Variants in ZNF804A observed in about 807,000 individuals in gnomAD.
ZNF804A encodes the protein zinc finger protein 804A.
Under a neutral mutation model 16.5 loss-of-function variants are expected in ZNF804A, and 2 were observed. That is an observed-to-expected ratio of 0.12 (90% CI 0.05 to 0.38). The LOEUF is 0.38. Ranked by LOEUF, ZNF804A falls within the 10% of genes least tolerant of loss-of-function variation. The pLI is 0.99. For missense variants in ZNF804A, 1,473 were observed against 1,390.7 expected (o/e 1.06, Z -0.94); for synonymous variants, 534 against 489.6 (o/e 1.09, Z -1.20).
chr2:184,794,849 C>G (rs569001814), intron 1 of ZNF804A, among the ~76,000 whole-genome samples: 1 of 151,086 alleles, frequency 6.6e-6, no homozygotes, highest in Non-Finnish European at 1.5e-5. Flanking sequence ...GTGAGCAGGC[C>G]TTTTCTAACA....
chr2:184,645,788 G>GA lies in ZNF804A; in HGVS notation c.111+46721dup, dbSNP rs563315441. 1.8e-4 allele frequency among the ~76,000 whole-genome samples: 27 copies of GA among 152,272 alleles called. No homozygotes were observed. In the South Asian group the frequency reaches 5.6e-3, roughly 32 times the overall value. On this transcript the variant is annotated intron_variant, in intron 1 of 3. Coordinates refer to ENST00000302277, the MANE Select transcript of ZNF804A (RefSeq NM_194250.2). ...GAGCTCTAATTCAAGAAGGAAAATG[G>GA]AAATGCACCAGAATTGTGAAGGACA...
intron 1 of ZNF804A, among the ~76,000 whole-genome samples, chr2:184,713,889 G>T (rs539366554): frequency 6.6e-6 from 1 of 152,014 alleles, no homozygotes; most frequent in South Asian, 2.1e-4. Flanking sequence ...TTCATATTTG[G>T]TTTGTTGCAT....
intron 1 of ZNF804A, among the ~76,000 whole-genome samples, chr2:184,828,475 G>T (rs1695207483): frequency 6.6e-6 from 1 of 151,208 alleles, no homozygotes; most frequent in Non-Finnish European, 1.5e-5. Context: ...AATACAAAGA[G>T]CTCTTTGTTT....
At chr2:184,642,060 A>G (rs1404582393) in intron 1 of ZNF804A, among the ~76,000 whole-genome samples, 1 of 152,088 alleles carries the variant, frequency 6.6e-6, no homozygotes, top group Non-Finnish European at 1.5e-5. Flanking sequence ...GCACGTGACC[A>G]TGCACTCTTG....
At chr2:184,651,713 A>ATTCT (rs1559117878) in intron 1 of ZNF804A, among the ~76,000 whole-genome samples, 4 of 152,148 alleles carry the variant, frequency 2.6e-5, no homozygotes, top group Admixed American at 6.6e-5. Context: ...TAATCATCAG[A>ATTCT]AAAATGCAAA....
chr2:184,767,348 C>CA (rs1376541033), intron 1 of ZNF804A, among the ~76,000 whole-genome samples: 1 of 151,828 alleles, frequency 6.6e-6, no homozygotes, highest in Non-Finnish European at 1.5e-5. Context: ...AAGCCGGAAA[C>CA]AAAAAACAAA....
intron 1 of ZNF804A, among the ~76,000 whole-genome samples, chr2:184,605,525 C>G (rs913497180): frequency 6.6e-6 from 1 of 151,996 alleles, no homozygotes; most frequent in Non-Finnish European, 1.5e-5. Flanking sequence ...AGAAAAAAAG[C>G]ACATTGTATT....
chr2:184,907,247 G>T (rs1685290431), intron 2 of ZNF804A, among the ~76,000 whole-genome samples: 1 of 152,042 alleles, frequency 6.6e-6, no homozygotes, highest in Non-Finnish European at 1.5e-5. Context: ...TAGAAAACTA[G>T]CACATTCTCT....
intron 1 of ZNF804A, among the ~76,000 whole-genome samples, chr2:184,725,624 G>C (rs1693397272): frequency 1.3e-5 from 2 of 151,364 alleles, no homozygotes; most frequent in Non-Finnish European, 3.0e-5. Context: ...CATAACTGTA[G>C]TATAATATGA....
At chr2:184,845,962 T>C (rs1340094737) in intron 1 of ZNF804A, among the ~76,000 whole-genome samples, 1 of 152,138 alleles carries the variant, frequency 6.6e-6, no homozygotes, top group African/African-American at 2.4e-5. Flanking sequence ...TCTCTCTGAA[T>C]GTGATTGTTT....
At chr2:184,733,745 A>C (rs761330985) in intron 1 of ZNF804A, among the ~76,000 whole-genome samples, 2 of 152,160 alleles carry the variant, frequency 1.3e-5, no homozygotes, top group Non-Finnish European at 2.9e-5. Context: ...GAATTTTGGC[A>C]AGTTGTGGCT....
rs372220744 is a variant in ZNF804A at position 184,821,802 on chromosome 2, C to T, written c.112-44567C>T. ...AGAAGACATTTATGCGGCCAACAAA[C>T]ATGAAAAAAAGCACAACATCACTGA... On this transcript the variant is annotated intron_variant, in intron 1 of 3. Transcript: ENST00000302277. Among the ~76,000 whole-genome samples, 62 of 152,078 alleles carry T rather than the reference C, an allele frequency of 4.1e-4. No individual in the cohort carries two copies. The South Asian group carries it at 0.013, about 31-fold the overall frequency.
intron 1 of ZNF804A, among the ~76,000 whole-genome samples, chr2:184,822,707 A>G (rs1376161113): frequency 6.6e-6 from 1 of 152,084 alleles, no homozygotes; most frequent in Non-Finnish European, 1.5e-5. Context: ...GGTGAATTCC[A>G]TTTTGTTGAA....
At chr2:184,931,531 T>C (rs1685702054) in intron 2 of ZNF804A, among the ~76,000 whole-genome samples, 1 of 152,134 alleles carries the variant, frequency 6.6e-6, no homozygotes, top group African/African-American at 2.4e-5. Flanking sequence ...ATGGCTAGGA[T>C]GCAGGGCAGT....
At chr2:184,711,903 T>C (rs1693135038) in intron 1 of ZNF804A, among the ~76,000 whole-genome samples, 1 of 151,690 alleles carries the variant, frequency 6.6e-6, no homozygotes, top group Admixed American at 6.6e-5. Context: ...ATTTTGAAAT[T>C]CGGAATTGTA....
intron 1 of ZNF804A, among the ~76,000 whole-genome samples, chr2:184,606,797 T>C (rs1161400120): frequency 1.3e-5 from 2 of 151,618 alleles, no homozygotes; most frequent in African/African-American, 2.4e-5. Flanking sequence ...CTGCAATCAC[T>C]GAGTCAGTTT....
chr2:184,602,938 G>A (rs1030220923), intron 1 of ZNF804A, among the ~76,000 whole-genome samples: 3 of 151,970 alleles, frequency 2.0e-5, no homozygotes, highest in African/African-American at 4.8e-5. Flanking sequence ...TTGGTCGAAG[G>A]CACTTTATTT....
intron 1 of ZNF804A, among the ~76,000 whole-genome samples, chr2:184,836,363 G>C (rs1206816108): frequency 6.6e-6 from 1 of 152,048 alleles, no homozygotes; most frequent in East Asian, 1.9e-4. Flanking sequence ...GGAGTTGTTT[G>C]TGCACACACC....
intron 1 of ZNF804A, among the ~76,000 whole-genome samples, chr2:184,699,922 TCAAA>T (rs1318610354): frequency 2.0e-5 from 3 of 152,156 alleles, no homozygotes; most frequent in African/African-American, 7.2e-5. Context: ...GTAATCTCAC[TCAAA>T]CAATACGCCA....
Sources: allele counts gnomAD v4.1 joint callset (sites outside exome capture counted in the v4.1 genomes callset), GRCh38; gene constraint gnomAD v4.1.1; transcripts MANE v1.5; gene names NCBI Gene and HGNC (gene_info 2026-07-23, HGNC 2026-07-21).